KIAA1217: variants seen among roughly 807,000 people sequenced by gnomAD.
The protein encoded by KIAA1217 is KIAA1217.
A neutral mutation model predicts 163.9 loss-of-function variants in KIAA1217; 88 were observed. That is an observed-to-expected ratio of 0.54 (90% confidence interval 0.45 to 0.64). KIAA1217 has a LOEUF of 0.64. Among genes scored for constraint, KIAA1217 ranks in the 30% least tolerant of loss-of-function variants. KIAA1217 has a pLI of 0.00. For missense variants in KIAA1217, 2,372 were observed against 2,475.0 expected, an observed-to-expected ratio of 0.96 and a Z score of 0.88; for synonymous variants, 903 against 923.1, an observed-to-expected ratio of 0.98 and a Z score of 0.39.
intron 2 of KIAA1217, among the ~76,000 whole-genome samples, chr10:24,158,948 A>G (rs10828610): frequency 0.67 from 102,045 of 152,120 alleles, 35,061 homozygotes; most frequent in Middle Eastern, 0.76. Flanking sequence ...TTTGTAGCTC[A>G]CACTTTAGAA....
In KIAA1217 at chr10:24,344,497, G is replaced by A. The variant is rs115060222; in HGVS notation, c.355-36372G>A. On this transcript the variant is annotated intron_variant, in intron 2 of 20. Transcript: ENST00000376454. ...TTGCAGAGCAGGAAGTTGAGGTTTT[G>A]GGGTAGAGTCCAAGAGTCAGTTCTG... Among the ~76,000 whole-genome samples, 941 of 152,308 alleles carry A rather than the reference G, an allele frequency of 6.2e-3. 8 individuals are homozygous for A. Among genetic ancestry groups the A allele is most frequent in the African/African-American group, 0.021 (877 of 41,554 alleles).
Position 23,934,609 on chromosome 10 carries a change from A to G in KIAA1217, c.-320-72616A>G, listed in dbSNP as rs1327198529. Among the ~76,000 whole-genome samples the G allele has an allele frequency of 3.5e-4, 24 of 68,948 alleles. 2 individuals carry two copies. The highest frequency in any genetic ancestry group is 1.4e-3 in the East Asian group (5 of 3,656). The allele number at this position is 68,948 out of a possible 152,430, so 45.2% of individuals were successfully genotyped here. A position where few individuals can be genotyped will look rare whatever the true frequency, so the allele number is the denominator to read the frequency against. On this transcript the variant is annotated intron_variant, in intron 1 of 18. Coordinates refer to the KIAA1217 transcript ENST00000376462. ...TATATATGTATATATATATATATGT[A>G]TATATATATATATATATTTTTTTTT...
intron 5 of KIAA1217, among the ~76,000 whole-genome samples, chr10:24,440,639 T>C (rs76949305): frequency 0.041 from 6,304 of 152,274 alleles, 185 homozygotes; most frequent in Non-Finnish European, 0.066. Flanking sequence ...GTGGTTCTGT[T>C]CTTACTTCAA....
chr10:23,732,162 G>T (rs138917995), intron 1 of KIAA1217, among the ~76,000 whole-genome samples: 1 of 151,964 alleles, frequency 6.6e-6, no homozygotes, highest in African/African-American at 2.4e-5. Context: ...TAAAGAGCTC[G>T]TGTAATTTCT....
intron 1 of KIAA1217, among the ~76,000 whole-genome samples, chr10:23,844,708 T>TC (rs1278924845): frequency 6.9e-6 from 1 of 144,780 alleles, no homozygotes; most frequent in East Asian, 2.0e-4. Context: ...TTTTCTTTTC[T>TC]TTTTTTTTTT....
chr10:23,749,735 T>G (rs892006013), intron 1 of KIAA1217, among the ~76,000 whole-genome samples: 1 of 152,192 alleles, frequency 6.6e-6, no homozygotes, highest in African/African-American at 2.4e-5. Context: ...ATTCTACACT[T>G]TCTACCTGTG....
chr10:24,387,356 C>T (rs1018944587), intron 3 of KIAA1217, among the ~76,000 whole-genome samples: 1 of 152,152 alleles, frequency 6.6e-6, no homozygotes. Context: ...ATTAAACAGC[C>T]TTCATGCTAA....
chr10:24,456,445 G>T (rs563016934), intron 5 of KIAA1217, among the ~76,000 whole-genome samples: 1 of 152,260 alleles, frequency 6.6e-6, no homozygotes, highest in Non-Finnish European at 1.5e-5. Context: ...ACACAACAAT[G>T]ATGGAACTCA....
At chr10:23,876,951 T>G (rs749550895) in intron 1 of KIAA1217, among the ~76,000 whole-genome samples, 20 of 151,954 alleles carry the variant, frequency 1.3e-4, no homozygotes, top group Admixed American at 2.6e-4. Context: ...TACGTGTCCC[T>G]CAAACTGGAA....
chr10:23,851,426 A>G (rs201046210), intron 1 of KIAA1217, among the ~76,000 whole-genome samples: 22 of 152,048 alleles, frequency 1.4e-4, no homozygotes, highest in African/African-American at 5.1e-4. Flanking sequence ...TGGACATTTG[A>G]GTTGGTTCCA....
intron 1 of KIAA1217, among the ~76,000 whole-genome samples, chr10:23,852,075 A>G (rs900352755): frequency 4.6e-5 from 7 of 152,288 alleles, no homozygotes; most frequent in African/African-American, 1.7e-4. Flanking sequence ...TGTTTTAGAC[A>G]TGAAGTCCTT....
intron 1 of KIAA1217, among the ~76,000 whole-genome samples, chr10:23,773,994 A>C (rs990874457): frequency 1.3e-5 from 2 of 152,100 alleles, no homozygotes; most frequent in African/African-American, 4.8e-5. Context: ...TTCCAACACT[A>C]TGTTGAATAG....
intron 1 of KIAA1217, among the ~76,000 whole-genome samples, chr10:23,880,495 T>C: frequency 1.3e-5 from 2 of 151,844 alleles, no homozygotes; most frequent in East Asian, 3.9e-4. Context: ...GGTTAATGGG[T>C]ACAAAAAATA....
intron 6 of KIAA1217, among the ~76,000 whole-genome samples, chr10:24,474,680 A>C (rs2063825991): frequency 6.6e-6 from 1 of 152,206 alleles, no homozygotes; most frequent in Non-Finnish European, 1.5e-5. Context: ...GGGGACTTGA[A>C]TTTCTTTTTA....
chr10:24,424,167 CCT>C (rs1564653581), intron 3 of KIAA1217, among the ~76,000 whole-genome samples: 1 of 151,992 alleles, frequency 6.6e-6, no homozygotes. Context: ...TGCTTTGTCA[CCT>C]ACTTTAAAAG....
intron 2 of KIAA1217, among the ~76,000 whole-genome samples, chr10:24,334,072 T>A (rs1564489390): frequency 6.6e-6 from 1 of 152,196 alleles, no homozygotes; most frequent in African/African-American, 2.4e-5. Flanking sequence ...TGTCTCCTTC[T>A]AAGAGATCTT....
intron 2 of KIAA1217, among the ~76,000 whole-genome samples, chr10:24,341,377 G>A (rs1006757497): frequency 1.3e-4 from 20 of 150,906 alleles, no homozygotes; most frequent in Admixed American, 3.3e-4. Context: ...TTTCTCTTCC[G>A]GTCCTAAAAA....
intron 1 of KIAA1217, among the ~76,000 whole-genome samples, chr10:23,928,140 T>G (rs1843106363): frequency 6.6e-6 from 1 of 152,232 alleles, no homozygotes; most frequent in Non-Finnish European, 1.5e-5. Context: ...CAGTCCCTCT[T>G]TGAGACATTG....
At chr10:23,998,543 A>G (rs894400266) in intron 1 of KIAA1217, among the ~76,000 whole-genome samples, 3 of 152,382 alleles carry the variant, frequency 2.0e-5, no homozygotes, top group East Asian at 1.9e-4. Context: ...AGGGGCCAAC[A>G]GCCAGAGGAC....
Sources: gnomAD v4.1 joint callset for allele counts (sites outside exome capture counted in the v4.1 genomes callset) on GRCh38, gnomAD v4.1.1 for gene constraint, MANE v1.5 for transcripts, NCBI Gene and HGNC (gene_info 2026-07-23, HGNC 2026-07-21) for gene names.